Variants in TNR observed in about 807,000 individuals in gnomAD.
TNR encodes tenascin R, also known as tenascin-R.
TNR carries 45 observed loss-of-function variants against 150.4 expected under a neutral mutation model. That is an observed-to-expected ratio of 0.30 (90% confidence interval 0.24 to 0.38). The LOEUF (loss-of-function observed/expected upper bound fraction) is 0.38, where lower values mean the gene tolerates loss of function less well. Ranked by LOEUF, TNR falls within the 10% of genes least tolerant of loss-of-function variation. TNR has a pLI of 1.00. For missense variants in TNR, 1,544 were observed against 1,759.1 expected, an observed-to-expected ratio of 0.88 and a Z score of 2.19; for synonymous variants, 687 against 678.4, an observed-to-expected ratio of 1.01 and a Z score of -0.20.
chr1:175,658,934 G>A (rs1665277288), intron 1 of TNR, among the ~76,000 whole-genome samples: 1 of 152,216 alleles, frequency 6.6e-6, no homozygotes, highest in African/African-American at 2.4e-5. Flanking sequence ...AGGCACTCCT[G>A]AGTTGAGCTA....
intron 2 of TNR, among the ~76,000 whole-genome samples, chr1:175,457,725 T>A (rs1656628688): frequency 6.6e-6 from 1 of 152,260 alleles, no homozygotes; most frequent in Non-Finnish European, 1.5e-5. Flanking sequence ...TGCATGTATG[T>A]GTGTATAATA....
intron 1 of TNR, among the ~76,000 whole-genome samples, chr1:175,546,840 G>A (rs1660707720): frequency 2.6e-5 from 4 of 152,154 alleles, no homozygotes; most frequent in Admixed American, 2.0e-4. Context: ...GATTGGCAGT[G>A]AGCTGAGTAA....
At chr1:175,694,249 C>A (rs1274705251) in intron 1 of TNR, among the ~76,000 whole-genome samples, 1 of 152,162 alleles carries the variant, frequency 6.6e-6, no homozygotes, top group Non-Finnish European at 1.5e-5. Flanking sequence ...ACAATCAGAA[C>A]AAATTCATGG....
intron 2 of TNR, among the ~76,000 whole-genome samples, chr1:175,474,361 C>T (rs527351491): frequency 2.3e-4 from 35 of 152,264 alleles, no homozygotes; most frequent in African/African-American, 8.2e-4. Context: ...CATCCAGAGG[C>T]ACCAGGGGTG....
intron 2 of TNR, among the ~76,000 whole-genome samples, chr1:175,430,062 TATAG>T (rs1655193387): frequency 1.3e-5 from 2 of 149,914 alleles, no homozygotes; most frequent in South Asian, 4.2e-4. Context: ...ATAGATATAA[TATAG>T]ATAATGATAA....
intron 8 of TNR, among the ~76,000 whole-genome samples, chr1:175,380,946 C>T (rs756250849): frequency 3.3e-5 from 5 of 152,164 alleles, no homozygotes; most frequent in South Asian, 2.1e-4. Context: ...TTGTGGAAGA[C>T]TGAAATGCCG....
At chr1:175,665,897 G>T (rs572921564) in intron 1 of TNR, among the ~76,000 whole-genome samples, 1 of 152,196 alleles carries the variant, frequency 6.6e-6, no homozygotes, top group South Asian at 2.1e-4. Context: ...CTGCTTAAAA[G>T]AGTCCAGGAC....
intron 1 of TNR, among the ~76,000 whole-genome samples, chr1:175,548,681 G>A (rs1415020387): frequency 6.6e-6 from 1 of 150,410 alleles, no homozygotes; most frequent in African/African-American, 2.4e-5. Context: ...AAAAAAAGGC[G>A]GGATGGGCAG....
rs1322841267 is a variant in TNR, at chr1:175,376,040, T to G, written c.1963+3512A>C. Among the ~76,000 whole-genome samples, 5 of 152,200 alleles carry G rather than the reference T, an allele frequency of 3.3e-5. No individual in the cohort carries two copies. In the East Asian group the frequency reaches 7.7e-4, roughly 24 times the overall value. On this transcript the variant is annotated intron_variant, in intron 9 of 22. Coordinates refer to ENST00000367674, the MANE Select transcript of TNR (RefSeq NM_003285.3). ...GTGGGGTACTTCCACAGCTGTGCTC[T>G]AAGTGAGTGCTTCTCACTCATAGAT...
chr1:175,356,844 T>A (rs1279235765), intron 15 of TNR, among the ~76,000 whole-genome samples: 2 of 152,228 alleles, frequency 1.3e-5, no homozygotes, highest in South Asian at 2.1e-4. Context: ...GTGACAATTT[T>A]AAAACCTTCA....
intron 2 of TNR, among the ~76,000 whole-genome samples, chr1:175,513,319 C>T (rs1185340353): frequency 1.3e-5 from 2 of 152,176 alleles, no homozygotes; most frequent in Admixed American, 1.3e-4. Flanking sequence ...GTCTCATCTC[C>T]ATCCCCTTAT....
intron 20 of TNR, among the ~76,000 whole-genome samples, chr1:175,332,040 T>A (rs1241849234): frequency 6.6e-6 from 1 of 152,346 alleles, no homozygotes; most frequent in East Asian, 1.9e-4. Context: ...ATGCTGATGT[T>A]GTTCTGCTGG....
intron 2 of TNR, among the ~76,000 whole-genome samples, chr1:175,435,330 G>A (rs552229906): frequency 1.3e-5 from 2 of 152,310 alleles, no homozygotes; most frequent in African/African-American, 4.8e-5. Context: ...TGGATTGATA[G>A]TTGGTGAGAG....
chr1:175,530,557 A>G (rs1183385054), intron 1 of TNR, among the ~76,000 whole-genome samples: 1 of 152,222 alleles, frequency 6.6e-6, no homozygotes, highest in East Asian at 1.9e-4. Context: ...ATGCATATAT[A>G]ACAGATATAT....
At chr1:175,482,045 G>T (rs9662600) in intron 2 of TNR, among the ~76,000 whole-genome samples, 35,040 of 152,106 alleles carry the variant, frequency 0.23, 4,315 homozygotes, top group African/African-American at 0.32. Context: ...ACCGTGAGGG[G>T]TCAGTTAATT....
intron 1 of TNR, among the ~76,000 whole-genome samples, chr1:175,571,583 A>T (rs61805151): frequency 6.6e-4 from 100 of 152,072 alleles, no homozygotes; most frequent in Non-Finnish European, 1.3e-3. Context: ...CTCACACATA[A>T]CTCCACTTCC....
At chr1:175,502,274 T>G (rs1397740896) in intron 2 of TNR, among the ~76,000 whole-genome samples, 1 of 152,182 alleles carries the variant, frequency 6.6e-6, no homozygotes, top group Non-Finnish European at 1.5e-5. Context: ...AACTCTGATG[T>G]GCAGAATGCT....
At chr1:175,669,998 C>T (rs1665647045) in intron 1 of TNR, among the ~76,000 whole-genome samples, 1 of 152,176 alleles carries the variant, frequency 6.6e-6, no homozygotes, top group African/African-American at 2.4e-5. Context: ...CTGTGTGGTT[C>T]ACACCATGCC....
chr1:175,686,596 T>C (rs1666209486), intron 1 of TNR, among the ~76,000 whole-genome samples: 2 of 152,188 alleles, frequency 1.3e-5, no homozygotes, highest in Non-Finnish European at 2.9e-5. Flanking sequence ...ATCACCCAAA[T>C]AGTAAATATA....
Sources: allele counts gnomAD v4.1 joint callset (sites outside exome capture counted in the v4.1 genomes callset), GRCh38; gene constraint gnomAD v4.1.1; transcripts MANE v1.5; gene names NCBI Gene and HGNC (gene_info 2026-07-23, HGNC 2026-07-21).